The following SNTG2 variants were observed in gnomAD, a reference collection of about 807,000 sequenced individuals.
SNTG2 encodes the protein syntrophin gamma 2, also known as gamma-2-syntrophin.
A neutral mutation model predicts 70.9 loss-of-function variants in SNTG2; 74 were observed. The observed-to-expected ratio is 1.04, with a 90% CI of 0.86 to 1.27. SNTG2 has a LOEUF of 1.27. SNTG2 is among the 50% of genes most tolerant of loss of function. The probability of loss-of-function intolerance (pLI) is 0.00; values close to 1 mark genes in which losing one functional copy is unlikely to be tolerated. For synonymous variants in SNTG2, 278 were observed against 273.8 expected (o/e 1.02, Z -0.15); for missense variants, 717 against 690.7 (o/e 1.04, Z -0.43).
At chr2:1,266,088 G>T (rs1558614277) in intron 13 of SNTG2, among the ~76,000 whole-genome samples, 2 of 151,918 alleles carry the variant, frequency 1.3e-5, no homozygotes, top group African/African-American at 4.8e-5. Context: ...GAGAGACAGA[G>T]AAACAGACAT....
intron 16 of SNTG2, among the ~76,000 whole-genome samples, chr2:1,360,023 G>A (rs1042675575): frequency 2.0e-5 from 3 of 149,538 alleles, no homozygotes; most frequent in African/African-American, 2.5e-5. Context: ...ACATTTAAGG[G>A]CACTGAACAA....
At position 1,055,132 on chromosome 2, in the gene SNTG2, T is replaced by G. The variant is rs6716640; in HGVS notation, c.73-28386T>G. Among the ~76,000 whole-genome samples the G allele has an allele frequency of 2.6e-5, 4 of 152,182 alleles. No individual in the cohort carries two copies. The South Asian group carries it at 8.3e-4, about 32-fold the overall frequency. ...TGCTATAAATGCTGTTAACTCTGCA[T>G]TCACATTGTAGACGTGGCCCTGACT... On this transcript the variant is annotated intron_variant, in intron 1 of 16. Coordinates refer to ENST00000308624, the MANE Select transcript of SNTG2 (RefSeq NM_018968.4).
intron 1 of SNTG2, among the ~76,000 whole-genome samples, chr2:1,008,583 C>T (rs1476832474): frequency 6.6e-6 from 1 of 152,132 alleles, no homozygotes; most frequent in Non-Finnish European, 1.5e-5. Context: ...TTATCTACGT[C>T]ATCAAACCGT....
At chr2:1,134,097 C>T (rs549452925) in intron 4 of SNTG2, among the ~76,000 whole-genome samples, 208 of 151,972 alleles carry the variant, frequency 1.4e-3, no homozygotes, top group Non-Finnish European at 2.3e-3. Context: ...TGGTTCCTCC[C>T]TGTGGGTTTG....
At chr2:1,206,321 C>A (rs759766251) in intron 8 of SNTG2, among the ~76,000 whole-genome samples, 10 of 152,136 alleles carry the variant, frequency 6.6e-5, no homozygotes, top group Non-Finnish European at 1.5e-4. Context: ...TTCCGGGCAC[C>A]CTGCACATAC....
intron 4 of SNTG2, among the ~76,000 whole-genome samples, chr2:1,119,218 T>TAA (rs543150400): frequency 0.012 from 1,786 of 151,704 alleles, 29 homozygotes; most frequent in African/African-American, 0.039. Flanking sequence ...CTTTCCTAGA[T>TAA]AAAAAAAAGA....
rs182612735 is a variant in SNTG2 at position 1,131,798 on chromosome 2, A to T, written c.326-5824A>T. On this transcript the variant is annotated intron_variant, in intron 4 of 16. Transcript: ENST00000308624. The stretch of plus-strand genomic sequence containing the variant: ...TCCTGAGTAGCTGGGACTACAGGCG[A>T]CGCCACCACGCCCAGCTAAGTTTTT... Among the ~76,000 whole-genome samples the T allele has an allele frequency of 6.6e-3, 999 of 151,740 alleles. 2 individuals are homozygous for T. The highest frequency in any genetic ancestry group is 0.011 in the Non-Finnish European group (726 of 67,880).
chr2:1,166,312 G>A (rs550732417), intron 7 of SNTG2, among the ~76,000 whole-genome samples: 28 of 152,250 alleles, frequency 1.8e-4, no homozygotes, highest in African/African-American at 6.5e-4. Context: ...TCTGCTGGTG[G>A]CTCAAACCCC....
intron 7 of SNTG2, among the ~76,000 whole-genome samples, chr2:1,169,935 T>G (rs1362869519): frequency 6.6e-6 from 1 of 151,988 alleles, no homozygotes; most frequent in African/African-American, 2.4e-5. Flanking sequence ...CCATAACAAT[T>G]TAAGCAAGAC....
chr2:1,333,604 G>C (rs1468653030), intron 16 of SNTG2, among the ~76,000 whole-genome samples: 2 of 152,112 alleles, frequency 1.3e-5, no homozygotes, highest in South Asian at 4.1e-4. Flanking sequence ...TAGACCAATG[G>C]AACAGAATAG....
chr2:1,050,957 T>G (rs1183746451), intron 1 of SNTG2, among the ~76,000 whole-genome samples: 2 of 152,234 alleles, frequency 1.3e-5, no homozygotes, highest in Non-Finnish European at 2.9e-5. Flanking sequence ...TCAACTATTT[T>G]TTGTTGCTGA....
intron 4 of SNTG2, among the ~76,000 whole-genome samples, chr2:1,134,142 C>G (rs528579182): frequency 1.3e-5 from 2 of 152,200 alleles, no homozygotes; most frequent in African/African-American, 4.8e-5. Context: ...AGCTGGAGAC[C>G]TTTGCGGTGA....
chr2:1,293,851 G>T (rs891553828), intron 14 of SNTG2, among the ~76,000 whole-genome samples: 4 of 152,202 alleles, frequency 2.6e-5, no homozygotes, highest in Non-Finnish European at 5.9e-5. Context: ...CTTACTAGGA[G>T]TTAAAAGGAC....
At chr2:1,207,148 G>A (rs1673682861) in intron 8 of SNTG2, among the ~76,000 whole-genome samples, 1 of 152,150 alleles carries the variant, frequency 6.6e-6, no homozygotes, top group African/African-American at 2.4e-5. Flanking sequence ...GTAGACAAAT[G>A]GTATTTCAGC....
At chr2:1,252,376 A>G (rs923286857) in intron 12 of SNTG2, among the ~76,000 whole-genome samples, 12 of 152,290 alleles carry the variant, frequency 7.9e-5, no homozygotes, top group African/African-American at 2.9e-4. Flanking sequence ...ACTTAACGTC[A>G]CCTGTAAAAT....
Position 1,346,815 on chromosome 2 carries a change from A to C in SNTG2, c.1489-20528A>C, listed in dbSNP as rs78684221. On this transcript the variant is annotated intron_variant, in intron 16 of 16. Transcript: ENST00000308624. ...CAGCCTGGAAAAGTGGGTATCTCCA[A>C]GCGGGGGCTTACAAGTCATAGGTGG... Among the ~76,000 whole-genome samples the C allele has an allele frequency of 3.8e-3, 581 of 152,202 alleles. 1 individual carries two copies. The highest frequency in any genetic ancestry group is 6.7e-3 in the Non-Finnish European group (456 of 67,994).
chr2:1,308,272 G>C (rs941617685), intron 14 of SNTG2, among the ~76,000 whole-genome samples: 2 of 152,106 alleles, frequency 1.3e-5, no homozygotes, highest in Non-Finnish European at 2.9e-5. Flanking sequence ...ACCTCACCGA[G>C]CTGGAAATAT....
At chr2:1,101,406 C>G (rs958931094) in intron 4 of SNTG2, among the ~76,000 whole-genome samples, 1 of 152,228 alleles carries the variant, frequency 6.6e-6, no homozygotes, top group South Asian at 2.1e-4. Context: ...CATTTATATC[C>G]TCGTTTTATG....
At chr2:1,007,628 G>A (rs1055593734) in intron 1 of SNTG2, among the ~76,000 whole-genome samples, 21 of 151,740 alleles carry the variant, frequency 1.4e-4, no homozygotes, top group South Asian at 8.4e-4. Flanking sequence ...TCTCTTAAAC[G>A]ATTTCCTAAA....
Sources: allele counts gnomAD v4.1 joint callset (sites outside exome capture counted in the v4.1 genomes callset), GRCh38; gene constraint gnomAD v4.1.1; transcripts MANE v1.5; gene names NCBI Gene and HGNC (gene_info 2026-07-23, HGNC 2026-07-21).